LGALS3: variants seen among roughly 807,000 people sequenced by gnomAD.
LGALS3 encodes the protein galectin 3.
In LGALS3, 18 loss-of-function variants were observed where a neutral mutation model predicts 20.7. That is an observed-to-expected ratio of 0.87 (90% CI 0.60 to 1.29). The LOEUF (loss-of-function observed/expected upper bound fraction) is 1.29. Ranked by LOEUF, LGALS3 falls within the 50% of genes most tolerant of loss-of-function variation. The pLI, the probability that LGALS3 is intolerant of heterozygous loss-of-function variation, is 0.00. For synonymous variants in LGALS3, 112 were observed against 119.6 expected, an observed-to-expected ratio of 0.94 and a Z score of 0.42; for missense variants, 315 against 314.7, an observed-to-expected ratio of 1.00 and a Z score of -0.01.
intron 4 of LGALS3, among the ~76,000 whole-genome samples, chr14:55,141,362 C>T (rs754144506): frequency 2.6e-5 from 4 of 152,140 alleles, no homozygotes; most frequent in African/African-American, 4.8e-5. Context: ...TGTCCTTATC[C>T]GTATTTCCTC....
chr14:55,129,600 G>A lies in LGALS3; in HGVS notation c.-5+300G>A, dbSNP rs943288614. On this transcript the variant is annotated intron_variant, in intron 1 of 5. Coordinates refer to ENST00000254301, the MANE Select transcript of LGALS3 (RefSeq NM_002306.4). This position sits in a 1 kb window ranked among gnomAD's most constrained non-coding sequence, Gnocchi z 5.3. ...GGGCCACCTTCTGCGGAGCCTCGTG[G>A]GCTTCGCCGCCGTCGCACCTCCGCC... Among the ~76,000 whole-genome samples, 1 of 152,158 alleles carries A rather than the reference G, an allele frequency of 6.6e-6. No homozygotes were observed. The highest frequency in any genetic ancestry group is 2.4e-5 in the African/African-American group (1 of 41,444).
At chr14:55,132,008 T>A (rs1881246558) in intron 1 of LGALS3, among the ~76,000 whole-genome samples, 1 of 152,216 alleles carries the variant, frequency 6.6e-6, no homozygotes, top group Non-Finnish European at 1.5e-5. Flanking sequence ...GAAGTAGTCT[T>A]CTTCTGTGAC....
At chr14:55,137,725 T>G in intron 2 of LGALS3, 1 of 1,341,402 alleles carries the variant, frequency 7.5e-7, no homozygotes, top group Non-Finnish European at 9.5e-7. Context: ...TGTTTGTGAT[T>G]GTTTTTCTCA....
chr14:55,145,387 CTA>C lies in LGALS3; in HGVS notation c.*117_*118del, dbSNP rs1881787432. The C allele has an allele frequency of 6.5e-7, 1 of 1,529,912 alleles. No homozygotes were observed. Among genetic ancestry groups the C allele is most frequent in the Non-Finnish European group, 8.8e-7 (1 of 1,133,976 alleles). The allele number at this position is 1,529,912 out of a possible 1,614,324, so 94.8% of individuals were successfully genotyped here. A position where few individuals can be genotyped will look rare whatever the true frequency, so the allele number is the denominator to read the frequency against. Reference sequence around the variant, plus strand: ...CATCAATATCCCTCTTGTAAGTCATCTACTTAATAAATATTACAGTGAATTAC... The same window carrying C: ...CATCAATATCCCTCTTGTAAGTCATCCTTAATAAATATTACAGTGAATTAC... On this transcript the variant is annotated 3_prime_UTR_variant, in exon 6 of 6. Coordinates refer to ENST00000254301, the MANE Select transcript of LGALS3 (RefSeq NM_002306.4).
chr14:55,138,566 C>T, intron 3 of LGALS3, 198 bp downstream of exon 3: 1 of 727,822 alleles, frequency 1.4e-6, no homozygotes, highest in South Asian at 1.5e-5. Flanking sequence ...ATTTTGAAGG[C>T]ACTGATAAAA....
In LGALS3 at chr14:55,138,238, C is replaced by G. The variant is rs1222413448; in HGVS notation, c.212C>G (p.Pro71Arg). 6.2e-7 allele frequency: 1 copy of G among 1,612,684 alleles called. No homozygotes were observed. The change falls in exon 3 of 6, where the codon CCC becomes CGC. Residue 71 changes from proline (P) to arginine (R), a missense_variant. Pro to Arg is a moderately radical substitution (Grantham distance 103). Transcript: ENST00000254301. ...GAYPGAPGAY[P>R]GAPAPGVYPG... ...TACCCTGGAGCACCTGGAGCTTATC[C>G]CGGAGCACCTGCACCTGGAGTCTAC...
intron 1 of LGALS3, among the ~76,000 whole-genome samples, chr14:55,130,908 T>C (rs1881215486): frequency 1.3e-5 from 2 of 152,172 alleles, no homozygotes; most frequent in South Asian, 2.1e-4. Context: ...TACTAGGAAA[T>C]TGTGTGTTTC....
chr14:55,130,558 T>A (rs1417286025), intron 1 of LGALS3, among the ~76,000 whole-genome samples: 2 of 142,074 alleles, frequency 1.4e-5, no homozygotes, highest in Non-Finnish European at 3.1e-5. Context: ...TTTGTTTACC[T>A]AAGGTTTTTT....
chr14:55,132,135 A>ACT (rs1406765278), intron 1 of LGALS3, among the ~76,000 whole-genome samples: 2 of 152,170 alleles, frequency 1.3e-5, no homozygotes, highest in Non-Finnish European at 2.9e-5. Context: ...GCGGATAGCT[A>ACT]CTCTTTGTTA....
chr14:55,145,104 A>G lies in LGALS3; in HGVS notation c.598-12A>G. On this transcript the variant is annotated splice_polypyrimidine_tract_variant and intron_variant, in intron 5 of 5. Transcript: ENST00000254301. ...TTACCTCATGTAACAGTTTATGTAT[A>G]TGCCATTTCAGATACAAGTACTGGT... 2 of 1,609,534 alleles carry G rather than the reference A, an allele frequency of 1.2e-6. No individual in the cohort carries two copies. Among genetic ancestry groups the G allele is most frequent in the South Asian group, 1.1e-5 (1 of 90,866 alleles).
rs2140286056 is a variant in LGALS3 at position 55,129,801 on chromosome 14, G to A, written c.-5+501G>A. 6.6e-6 allele frequency among the ~76,000 whole-genome samples: 1 copy of A among 152,330 alleles called. No individual in the cohort carries two copies. The highest frequency in any genetic ancestry group is 1.9e-4 in the East Asian group (1 of 5,178). On this transcript the variant is annotated intron_variant, in intron 1 of 5. Transcript: ENST00000254301. The surrounding 1 kb of genome is among the most constrained non-coding windows in gnomAD (Gnocchi z 5.3). Reference sequence around the variant, plus strand: ...GCCCCGTCACCCTTCCCCAGATCACGGCCGCGGGGGAGCGAAGGGACTTCC... The same window carrying A: ...GCCCCGTCACCCTTCCCCAGATCACAGCCGCGGGGGAGCGAAGGGACTTCC...
chr14:55,137,851 A>T, intron 2 of LGALS3, 194 bp from the exon 3 acceptor site: 1 of 1,302,818 alleles, frequency 7.7e-7, no homozygotes, highest in Non-Finnish European at 9.7e-7. Context: ...TAAAGTGAAA[A>T]AGTATATGTA....
chr14:55,130,296 A>C (rs1350759358), intron 1 of LGALS3, among the ~76,000 whole-genome samples: 1 of 152,180 alleles, frequency 6.6e-6, no homozygotes, highest in East Asian at 1.9e-4. Context: ...GCTGGGACTT[A>C]GGTTTCAGCC....
Position 55,138,185 on chromosome 14 carries a change from T to G in LGALS3, c.159T>G (p.Ala53=), listed in dbSNP as rs908619166. 4 of 1,611,842 alleles carry G rather than the reference T, an allele frequency of 2.5e-6. No homozygotes were observed. Among genetic ancestry groups the G allele is most frequent in the Non-Finnish European group, 1.7e-6 (2 of 1,179,006 alleles). ...GAYPGQAPPG[A]YPGQAPPGAY... ...ACCCCGGGCAGGCACCCCCAGGGGC[T>G]TATCCTGGACAGGCACCTCCAGGCG... The change falls in exon 3 of 6, where the codon GCT becomes GCG. Residue 53 remains alanine (A), a synonymous_variant. Transcript: ENST00000254301.
At chr14:55,141,191 C>T (rs1881610126) in intron 4 of LGALS3, among the ~76,000 whole-genome samples, 1 of 152,172 alleles carries the variant, frequency 6.6e-6, no homozygotes, top group Non-Finnish European at 1.5e-5. Flanking sequence ...ATGCTCATTC[C>T]CTCCACCTCA....
chr14:55,137,681 T>C, intron 2 of LGALS3: 3 of 1,405,634 alleles, frequency 2.1e-6, no homozygotes, highest in Non-Finnish European at 2.8e-6. Context: ...ATCCTCTGAG[T>C]AGCGGGAAGT....
chr14:55,130,014 C>T (rs1881179636), intron 1 of LGALS3, among the ~76,000 whole-genome samples: 1 of 152,222 alleles, frequency 6.6e-6, no homozygotes, highest in Admixed American at 6.5e-5. Flanking sequence ...GTGCTTGCCC[C>T]ATGGCCTGAG....
rs866206090 is a variant in LGALS3, at chr14:55,129,519, G to T, written c.-5+219G>T. ...GCCTTTGATTATCGAGGGCGCTGGC[G>T]TTCGGGGAAGGTTGGCAGCACCTTA... On this transcript the variant is annotated intron_variant, in intron 1 of 5. Coordinates refer to ENST00000254301, the MANE Select transcript of LGALS3 (RefSeq NM_002306.4). This position sits in a 1 kb window ranked among gnomAD's most constrained non-coding sequence, Gnocchi z 5.3. Among the ~76,000 whole-genome samples the T allele has an allele frequency of 1.3e-5, 2 of 152,266 alleles. No individual in the cohort carries two copies. The highest frequency in any genetic ancestry group is 1.9e-4 in the East Asian group (1 of 5,154).
chr14:55,142,470 T>A (rs1200308381), intron 4 of LGALS3, 114 bp from the exon 5 acceptor site: 1 of 721,038 alleles, frequency 1.4e-6, no homozygotes, highest in Non-Finnish European at 2.2e-6. Flanking sequence ...TTCAGAAAAA[T>A]TTCCTAGGTA....
Sources: gnomAD v4.1 joint callset for allele counts (sites outside exome capture counted in the v4.1 genomes callset) on GRCh38, gnomAD v4.1.1 for gene constraint, Gnocchi (gnomAD v3.1) non-coding constraint, MANE v1.5 for transcripts, NCBI Gene and HGNC (gene_info 2026-07-23, HGNC 2026-07-21) for gene names.